HTR3A: variants seen among roughly 807,000 people sequenced by gnomAD.
HTR3A encodes the protein 5-hydroxytryptamine receptor 3A.
HTR3A carries 45 observed loss-of-function variants against 54.8 expected under a neutral mutation model. That is an observed-to-expected ratio of 0.82 (90% CI 0.65 to 1.05). The LOEUF is 1.05. Ranked by LOEUF, HTR3A falls within the 50% of genes least tolerant of loss-of-function variation. HTR3A has a pLI of 0.00. For synonymous variants in HTR3A, 297 were observed against 256.0 expected (o/e 1.16, Z -1.53); for missense variants, 657 against 614.0 (o/e 1.07, Z -0.74).
chr11:113,989,853 C>A lies in HTR3A; in HGVS notation c.*90C>A. ...TAGGCCCCTCAGGACCCAGGGAATG[C>A]CAGGGACATTTTCAAGACACAGACA... On this transcript the variant is annotated 3_prime_UTR_variant, in exon 9 of 9. Transcript: ENST00000504030. The surrounding 1 kb of genome is among the most constrained non-coding windows in gnomAD (Gnocchi z 4.4). 2 of 1,382,784 alleles carry A rather than the reference C, an allele frequency of 1.4e-6. No individual in the cohort carries two copies. Among genetic ancestry groups the A allele is most frequent in the Non-Finnish European group, 2.0e-6 (2 of 983,622 alleles). 85.7% of individuals were successfully genotyped at this position (1,382,784 alleles called of 1,614,324 possible). A position where few individuals can be genotyped will look rare whatever the true frequency, so the allele number is the denominator to read the frequency against.
chr11:113,975,240 T>G lies in HTR3A; in HGVS notation c.-86T>G. 3.0e-6 allele frequency: 4 copies of G among 1,313,424 alleles called. No individual in the cohort carries two copies. The highest frequency in any genetic ancestry group is 4.3e-6 in the Non-Finnish European group (4 of 922,242). 81.4% of individuals were successfully genotyped at this position (1,313,424 alleles called of 1,614,324 possible). ...CACGAGAGGCAGGCTGGCTGGGACA[T>G]GAGGTTGGCAGAGGGCAGGCAAGCT... On this transcript the variant is annotated 5_prime_UTR_variant, in exon 1 of 9. An upstream start codon of the reference 5' UTR is lost. Transcript: ENST00000504030.
intron 5 of HTR3A, among the ~76,000 whole-genome samples, chr11:113,984,700 C>T (rs377463754): frequency 6.6e-6 from 1 of 152,144 alleles, no homozygotes; most frequent in Non-Finnish European, 1.5e-5. Flanking sequence ...AGGTGGATCA[C>T]GAGGTCATGA....
At chr11:113,986,474 G>A (rs746915431) in intron 6 of HTR3A, 44 bp from the exon 7 acceptor site, 44 of 1,605,536 alleles carry the variant, frequency 2.7e-5, no homozygotes, top group Admixed American at 3.3e-5. Flanking sequence ...TGGGAGCAGA[G>A]CCTGTTTGCC....
Position 113,975,406 on chromosome 11 carries a change from G to A in HTR3A, c.67+14G>A, listed in dbSNP as rs764762827. 2.1e-5 allele frequency: 34 copies of A among 1,607,814 alleles called. No individual in the cohort carries two copies. Among genetic ancestry groups the A allele is most frequent in the African/African-American group, 1.1e-4 (8 of 74,834 alleles). ...CACAGGGAGAAGGTAAGCAGACTTC[G>A]GGAAGCAGCAGGACTTGGCTGACCA... On this transcript the variant is annotated intron_variant, in intron 1 of 8. Coordinates refer to ENST00000504030, the MANE Select transcript of HTR3A (RefSeq NM_000869.6).
chr11:113,986,750 G>C (rs760048192), intron 7 of HTR3A, 22 bp downstream of exon 7: 3 of 1,614,212 alleles, frequency 1.9e-6, no homozygotes, highest in East Asian at 4.5e-5. Context: ...CCTGGCAGCA[G>C]AGCTCAGTCT....
In HTR3A at chr11:113,976,257, G is replaced by A. The variant is rs879843908; in HGVS notation, c.67+865G>A. ...CAAGCTGTAAGTGATGACTGTGGTCGAGGGCTTCCTTGACTGAGAAGAAAC... is the reference window on the plus strand; with the variant it reads ...CAAGCTGTAAGTGATGACTGTGGTCAAGGGCTTCCTTGACTGAGAAGAAAC... On this transcript the variant is annotated intron_variant, in intron 1 of 8. Transcript: ENST00000504030. Among the ~76,000 whole-genome samples, 14 of 152,050 alleles carry A rather than the reference G, an allele frequency of 9.2e-5. No individual in the cohort carries two copies. In the South Asian group the frequency reaches 1.7e-3, roughly 18 times the overall value.
chr11:113,984,445 A>G (rs960257251), intron 5 of HTR3A, among the ~76,000 whole-genome samples: 1 of 152,072 alleles, frequency 6.6e-6, no homozygotes, highest in African/African-American at 2.4e-5. Context: ...ATGAGACCCT[A>G]TAAAAATAAA....
Position 113,981,308 on chromosome 11 carries a change from G to A in HTR3A, c.370G>A (p.Glu124Lys), listed in dbSNP as rs1450424073. ...SIWVPDILIN[E>K]FVDVGKSPNI... ...CTGGGTCCCGGACATTCTCATCAAT[G>A]AGTTGTGAGTACCGTTATCCATTGT... Residue 124 changes from glutamate to lysine, a missense_variant, in exon 4 of 9, where the codon GAG becomes AAG. Physicochemically the swap from Glu to Lys is moderately conservative, Grantham distance 56. Transcript: ENST00000504030. The A allele has an allele frequency of 6.3e-6, 10 of 1,593,524 alleles. No individual in the cohort carries two copies. Among genetic ancestry groups the A allele is most frequent in the Non-Finnish European group, 8.6e-6 (10 of 1,161,216 alleles).
At position 113,981,369 on chromosome 11, in the gene HTR3A, G is replaced by T. The variant is rs114988336; in HGVS notation, c.374+57G>T. The T allele has an allele frequency of 3.9e-6, 4 of 1,028,484 alleles. No individual in the cohort carries two copies. The South Asian group carries it at 5.1e-5, about 13-fold the overall frequency. 63.7% of individuals were successfully genotyped at this position (1,028,484 alleles called of 1,614,324 possible). A position where few individuals can be genotyped will look rare whatever the true frequency, so the allele number is the denominator to read the frequency against. ...GGTGGCTTAGGAGCTGGAGAAGCCC[G>T]GGGACAGAGAGACAAGATTGTCACT... On this transcript the variant is annotated intron_variant, in intron 4 of 8. Coordinates refer to ENST00000504030, the MANE Select transcript of HTR3A (RefSeq NM_000869.6).
intron 1 of HTR3A, among the ~76,000 whole-genome samples, chr11:113,975,754 C>A (rs752540139): frequency 4.6e-5 from 7 of 152,150 alleles, no homozygotes; most frequent in Non-Finnish European, 1.5e-5. Flanking sequence ...CTCATTGGGT[C>A]CACCCTTGCC....
chr11:113,983,406 C>T, intron 5 of HTR3A, 117 bp downstream of exon 5: 1 of 999,342 alleles, frequency 1.0e-6, no homozygotes, highest in Non-Finnish European at 1.6e-6. Context: ...ATGCCCTGGG[C>T]CTCTGCTTCC....
Position 113,989,349 on chromosome 11 carries a change from T to C in HTR3A, c.1139-116T>C. On this transcript the variant is annotated intron_variant, in intron 8 of 8. Transcript: ENST00000504030. This position sits in a 1 kb window ranked among gnomAD's most constrained non-coding sequence, Gnocchi z 4.4. ...CTGCCCTCCAGCCTGGGTGACAGAG[T>C]GAGAAAAAAAAAGTTATTCCCAACA... The C allele has an allele frequency of 8.7e-7, 1 of 1,153,128 alleles. No homozygotes were observed. Among genetic ancestry groups the C allele is most frequent in the Non-Finnish European group, 1.3e-6 (1 of 772,740 alleles). The allele number at this position is 1,153,128 out of a possible 1,614,324, so 71.4% of individuals were successfully genotyped here.
Position 113,986,726 on chromosome 11 carries a change from T to C in HTR3A, c.914T>C (p.Ile305Thr), listed in dbSNP as rs774039510. ...LPATAIGTPL[I>T]GVYFVVCMAL... is the part of the protein sequence containing the mutation. ...GCCACTGCCATCGGCACTCCTCTCA[T>C]TGGTAAGGCCCCTCCTGGCAGCAGA... Residue 305 changes from isoleucine to threonine, a missense_variant and splice_region_variant, in exon 7 of 9, where the codon ATT becomes ACT. By Grantham distance (89) the Ile-to-Thr change is moderately conservative. Coordinates refer to ENST00000504030, the MANE Select transcript of HTR3A (RefSeq NM_000869.6). 1.9e-6 allele frequency: 3 copies of C among 1,614,038 alleles called. No individual in the cohort carries two copies. The highest frequency in any genetic ancestry group is 2.5e-6 in the Non-Finnish European group (3 of 1,180,028).
intron 6 of HTR3A, 132 bp downstream of exon 6, chr11:113,986,307 A>T: frequency 8.2e-7 from 1 of 1,219,650 alleles, no homozygotes; most frequent in Non-Finnish European, 1.2e-6. Context: ...ACTTCAGTGA[A>T]GTAGATGGAG....
At chr11:113,977,576 G>T in intron 1 of HTR3A, 195 bp from the exon 2 acceptor site, 3 of 1,539,524 alleles carry the variant, frequency 1.9e-6, no homozygotes, top group Non-Finnish European at 2.6e-6. Context: ...CTTTCTACAA[G>T]GTAATACATT....
rs1301985666 is a variant in HTR3A at position 113,990,269 on chromosome 11, T to C, written c.*506T>C. The C allele has an allele frequency of 2.2e-6, 1 of 449,460 alleles. No homozygotes were observed. Among genetic ancestry groups the C allele is most frequent in the Non-Finnish European group, 4.5e-6 (1 of 223,358 alleles). 27.8% of individuals were successfully genotyped at this position (449,460 alleles called of 1,614,324 possible). On this transcript the variant is annotated 3_prime_UTR_variant, in exon 9 of 9. Transcript: ENST00000504030. ...AGCTTCCCTGAACACTCATCCCCCA[T>C]CAGATGATGGGAGTGGGAAGAATAA...
At chr11:113,988,395 C>G (rs1950516847) in intron 8 of HTR3A, among the ~76,000 whole-genome samples, 1 of 152,242 alleles carries the variant, frequency 6.6e-6, no homozygotes, top group Admixed American at 6.5e-5. Context: ...GTGGTCTCAT[C>G]ATTAAATGAT....
At position 113,975,275 on chromosome 11, in the gene HTR3A, T is replaced by C. The variant is rs757175170; in HGVS notation, c.-51T>C. The C allele has an allele frequency of 6.3e-7, 1 of 1,597,754 alleles. No homozygotes were observed. Among genetic ancestry groups the C allele is most frequent in the Non-Finnish European group, 8.6e-7 (1 of 1,168,990 alleles). On this transcript the variant is annotated 5_prime_UTR_variant, in exon 1 of 9. Coordinates refer to ENST00000504030, the MANE Select transcript of HTR3A (RefSeq NM_000869.6). The stretch of plus-strand genomic sequence containing the variant: ...AGAGGGCAGGCAAGCTGGCCCTTGG[T>C]GGGCCTCGTCCTGAGCACTCGGAGG...
intron 5 of HTR3A, among the ~76,000 whole-genome samples, chr11:113,985,208 C>T (rs897686): frequency 0.91 from 138,253 of 152,204 alleles, 64,278 homozygotes; most frequent in East Asian, 1. Context: ...AATTGCTTTA[C>T]GAGTTCGTAT....
Sources: gnomAD v4.1 joint callset for allele counts (sites outside exome capture counted in the v4.1 genomes callset) on GRCh38, gnomAD v4.1.1 for gene constraint, Gnocchi (gnomAD v3.1) non-coding constraint, MANE v1.5 for transcripts, NCBI Gene and HGNC (gene_info 2026-07-23, HGNC 2026-07-21) for gene names.